IQANK1: variants seen among roughly 807,000 people sequenced by gnomAD.
The protein encoded by IQANK1 is IQ motif and ankyrin repeat containing 1.
IQANK1 carries 30 observed loss-of-function variants against 22.6 expected under a neutral mutation model. The ratio of observed to expected loss-of-function variants is 1.33; its 90% CI spans 0.99 to 1.80. The LOEUF (loss-of-function observed/expected upper bound fraction) is 1.80, where lower values mean the gene tolerates loss of function less well. Ranked by LOEUF, IQANK1 falls within the 40% of genes most tolerant of loss-of-function variation. IQANK1 has a pLI of 0.00. For missense variants in IQANK1, 275 were observed against 235.2 expected (o/e 1.17, Z -1.11); for synonymous variants, 122 against 99.6 (o/e 1.23, Z -1.34).
At chr8:143,747,123 C>T (rs1554627299) in intron 3 of IQANK1, among the ~76,000 whole-genome samples, 1 of 152,228 alleles carries the variant, frequency 6.6e-6, no homozygotes, top group Admixed American at 6.5e-5. Context: ...TCGTGATCCA[C>T]CCGCCTTGGC....
rs1200534038 is a variant in IQANK1, at chr8:143,735,424, G to C, written c.-4-426G>C. 6.6e-6 allele frequency among the ~76,000 whole-genome samples: 1 copy of C among 152,176 alleles called. No individual in the cohort carries two copies. Among genetic ancestry groups the C allele is most frequent in the Non-Finnish European group, 1.5e-5 (1 of 68,022 alleles). On this transcript the variant is annotated intron_variant, in intron 1 of 13. Coordinates refer to ENST00000527139, the MANE Select transcript of IQANK1 (RefSeq NM_001381874.1). The surrounding 1 kb of genome is among the most constrained non-coding windows in gnomAD (Gnocchi z 5.2). The stretch of plus-strand genomic sequence containing the variant: ...GGGCTGGGGAGCAGGCTCAGGGGTG[G>C]GCTGGCTTCCCAGGGCAGTGGAGAG...
chr8:143,757,409 T>A (rs1819313850), intron 3 of IQANK1, among the ~76,000 whole-genome samples: 1 of 151,456 alleles, frequency 6.6e-6, no homozygotes, highest in Non-Finnish European at 1.5e-5. Context: ...CGAGCTTGGC[T>A]CACTGCAAGC....
Position 143,771,851 on chromosome 8 carries a change from C to G in IQANK1, c.357C>G (p.Arg119=). 2 of 394,430 alleles carry G rather than the reference C, an allele frequency of 5.1e-6. No individual in the cohort carries two copies. The highest frequency in any genetic ancestry group is 8.9e-6 in the Non-Finnish European group (2 of 223,694). 24.4% of individuals were successfully genotyped at this position (394,430 alleles called of 1,614,324 possible). A position where few individuals can be genotyped will look rare whatever the true frequency, so the allele number is the denominator to read the frequency against. ...RREQEAARRL[R]EQEEAAQRER... is the part of the protein sequence containing the mutation. ...AGCAGGAGGCCGCGCGGCGGCTGCGCGAGCAGGAGGAGGCGGCGCAGCGGG... is the reference window on the plus strand; with the variant it reads ...AGCAGGAGGCCGCGCGGCGGCTGCGGGAGCAGGAGGAGGCGGCGCAGCGGG... The change falls in exon 5 of 14, where the codon CGC becomes CGG. Residue 119 remains arginine, a synonymous_variant. Coordinates refer to ENST00000527139, the MANE Select transcript of IQANK1 (RefSeq NM_001381874.1). This position sits in a 1 kb window ranked among gnomAD's most constrained non-coding sequence, Gnocchi z 6.0.
At chr8:143,759,087 T>C in intron 3 of IQANK1, 1 of 315,942 alleles carries the variant, frequency 3.2e-6, no homozygotes, top group South Asian at 3.3e-5. Flanking sequence ...CGGACATGAC[T>C]CAATACTGAT....
intron 6 of IQANK1, 38 bp downstream of exon 6, chr8:143,772,281 C>T (rs1228041905): frequency 2.5e-6 from 1 of 397,900 alleles, no homozygotes; most frequent in East Asian, 3.6e-5. Context: ...CGCTGAGGGG[C>T]GCGGTCCAGG....
In IQANK1 at chr8:143,789,011, C is replaced by T. The variant is rs564820635; in HGVS notation, c.886C>T (p.Arg296Trp). The change falls in exon 8 of 14, where the codon CGG becomes TGG. Residue 296 changes from arginine (R) to tryptophan (W), a missense_variant. Transcript: ENST00000527139. ...LQNMEAEQQRRAQEAQRHKEA... is the reference protein window; with the variant it reads ...LQNMEAEQQRWAQEAQRHKEA... ...GAACATGGAGGCTGAGCAGCAGCGC[C>T]GGGCCCAGGAGGCCCAGAGGCACAA... is the stretch of plus-strand genomic sequence containing the variant. 12 of 400,038 alleles carry T rather than the reference C, an allele frequency of 3.0e-5. No individual in the cohort carries two copies. Among genetic ancestry groups the T allele is most frequent in the African/African-American group, 6.2e-5 (3 of 48,724 alleles). The allele number at this position is 400,038 out of a possible 1,614,324, so 24.8% of individuals were successfully genotyped here.
chr8:143,779,516 GTTCA>G (rs1185416786), intron 7 of IQANK1, among the ~76,000 whole-genome samples: 2 of 152,240 alleles, frequency 1.3e-5, no homozygotes, highest in African/African-American at 2.4e-5. Flanking sequence ...CATTTAATCA[GTTCA>G]TTCAATTAAT....
intron 3 of IQANK1, chr8:143,759,158 G>T: frequency 3.6e-6 from 1 of 276,990 alleles, no homozygotes; most frequent in South Asian, 4.2e-5. Flanking sequence ...CTCCTGGCTG[G>T]GCTGCAGGCA....
Position 143,772,494 on chromosome 8 carries a change from A to AGAGGTGTGGGCCCCGG in IQANK1, c.789+21_789+36dup, listed in dbSNP as rs1819599290. On this transcript the variant is annotated intron_variant, in intron 7 of 13. Transcript: ENST00000527139. ...GCACCCCTGAGCGGGTGTGGACCCC[A>AGAGGTGTGGGCCCCGG]GAGGTGTGGGCCCCGGGAGGTGTGA... 5.0e-6 allele frequency: 2 copies of AGAGGTGTGGGCCCCGG among 399,066 alleles called. No homozygotes were observed. The highest frequency in any genetic ancestry group is 2.1e-5 in the African/African-American group (1 of 48,568). 24.7% of individuals were successfully genotyped at this position (399,066 alleles called of 1,614,324 possible).
At chr8:143,734,892 A>T (rs1194803874) in intron 1 of IQANK1, among the ~76,000 whole-genome samples, 1 of 98,158 alleles carries the variant, frequency 1.0e-5, no homozygotes, top group Non-Finnish European at 2.1e-5. Flanking sequence ...CCAGTCCCCC[A>T]GGTCCCCCTC....
chr8:143,789,776 G>A lies in IQANK1; in HGVS notation c.1102G>A (p.Glu368Lys). Residue 368 changes from glutamate (E) to lysine (K), a missense_variant, in exon 11 of 14, where the codon GAG becomes AAG. Physicochemically the swap from Glu to Lys is moderately conservative, Grantham distance 56 (BLOSUM62 1). Coordinates refer to ENST00000527139, the MANE Select transcript of IQANK1 (RefSeq NM_001381874.1). ...CCTCCTCCAGGCCATCAAGGACACA[G>A]AGGCCCAGGTGGACAGGCTGCGGCA... ...KLTLQAIKDTEAQVDRLRQEA... is the reference protein window; with the variant it reads ...KLTLQAIKDTKAQVDRLRQEA... 2.4e-6 allele frequency: 3 copies of A among 1,232,184 alleles called. No homozygotes were observed. The highest frequency in any genetic ancestry group is 3.0e-6 in the Non-Finnish European group (3 of 988,110). The allele number at this position is 1,232,184 out of a possible 1,614,324, so 76.3% of individuals were successfully genotyped here. A position where few individuals can be genotyped will look rare whatever the true frequency, so the allele number is the denominator to read the frequency against.
rs1818854504 is a variant in IQANK1, at chr8:143,739,879, C to T, written c.106C>T (p.Pro36Ser). 4 of 696,106 alleles carry T rather than the reference C, an allele frequency of 5.7e-6. No homozygotes were observed. Among genetic ancestry groups the T allele is most frequent in the African/African-American group, 1.8e-5 (1 of 56,930 alleles). 43.1% of individuals were successfully genotyped at this position (696,106 alleles called of 1,614,324 possible). Residue 36 changes from proline to serine, a missense_variant, in exon 3 of 14, where the codon CCG becomes TCG. Coordinates refer to ENST00000527139, the MANE Select transcript of IQANK1 (RefSeq NM_001381874.1). ...AAAGKPGENR[P>S]PQRKAGWQAR... ...CTTAGGGAAGCCCGGGGAGAACCGC[C>T]CGCCGCAGAGGAAAGCGGGCTGGCA... is the stretch of plus-strand genomic sequence containing the variant.
In IQANK1 at chr8:143,753,769, T is replaced by C. The variant is rs370594718; in HGVS notation, c.175+13821T>C. On this transcript the variant is annotated intron_variant, in intron 3 of 13. Coordinates refer to ENST00000527139, the MANE Select transcript of IQANK1 (RefSeq NM_001381874.1). The stretch of plus-strand genomic sequence containing the variant: ...CACGCCCAGCTTTTCAGAGATAGTT[T>C]CTGTTGATTTATTTTTGTTTTCCTT... Among the ~76,000 whole-genome samples the C allele has an allele frequency of 8.7e-4, 132 of 152,278 alleles. 2 individuals carry two copies. Among genetic ancestry groups the C allele is most frequent in the African/African-American group, 3.0e-3 (126 of 41,562 alleles).
intron 7 of IQANK1, among the ~76,000 whole-genome samples, chr8:143,785,240 C>T (rs1587494983): frequency 6.8e-6 from 1 of 147,566 alleles, no homozygotes; most frequent in East Asian, 2.0e-4. Flanking sequence ...TTTCCTGTGC[C>T]TTTGTTCTGT....
chr8:143,740,031 G>T, intron 3 of IQANK1, 83 bp downstream of exon 3: 1 of 611,654 alleles, frequency 1.6e-6, no homozygotes, highest in Non-Finnish European at 2.9e-6. Context: ...GACACGCTCA[G>T]TGTGGGCGCG....
intron 7 of IQANK1, among the ~76,000 whole-genome samples, chr8:143,788,370 C>T (rs1563782552): frequency 6.6e-6 from 1 of 152,234 alleles, no homozygotes; most frequent in Non-Finnish European, 1.5e-5. Context: ...TCACCCGGCG[C>T]AGCTGGGCTT....
At chr8:143,773,646 T>G (rs1165010368) in intron 7 of IQANK1, among the ~76,000 whole-genome samples, 1 of 152,160 alleles carries the variant, frequency 6.6e-6, no homozygotes, top group Admixed American at 6.5e-5. Context: ...TCCACTGGAC[T>G]GCTGCCAGAG....
rs1464236135 is a variant in IQANK1, at chr8:143,771,566, G to A, written c.254G>A (p.Arg85His). Residue 85 changes from arginine to histidine, a missense_variant, in exon 4 of 14, where the codon CGC (arginine) becomes CAC (histidine). Transcript: ENST00000527139. This position sits in a 1 kb window ranked among gnomAD's most constrained non-coding sequence, Gnocchi z 6.0. Reference protein sequence around the residue: ...QLRARRELARRREERREYLEQ... With the variant: ...QLRARRELARHREERREYLEQ... ...CGGGCCAGGAGGGAGCTCGCCCGCCGCCGGGAGGAGCGCCGGGAGTACCTG... is the reference window on the plus strand; with the variant it reads ...CGGGCCAGGAGGGAGCTCGCCCGCCACCGGGAGGAGCGCCGGGAGTACCTG... 1 of 398,320 alleles carries A rather than the reference G, an allele frequency of 2.5e-6. No homozygotes were observed. Among genetic ancestry groups the A allele is most frequent in the Non-Finnish European group, 4.4e-6 (1 of 225,850 alleles). 24.7% of individuals were successfully genotyped at this position (398,320 alleles called of 1,614,324 possible).
intron 3 of IQANK1, among the ~76,000 whole-genome samples, chr8:143,765,056 G>T (rs1819460700): frequency 6.6e-6 from 1 of 152,002 alleles, no homozygotes. Flanking sequence ...AAAATTTCAA[G>T]AATCATATAT....
Sources: allele counts gnomAD v4.1 joint callset (sites outside exome capture counted in the v4.1 genomes callset), GRCh38; gene constraint gnomAD v4.1.1; non-coding constraint Gnocchi (gnomAD v3.1); transcripts MANE v1.5; gene names NCBI Gene and HGNC (gene_info 2026-07-23, HGNC 2026-07-21).